The following VPS41 variants were observed in gnomAD, a reference collection of about 807,000 sequenced individuals.
The protein encoded by VPS41 is vacuolar protein sorting-associated protein 41 homolog.
A neutral mutation model predicts 130.9 loss-of-function variants in VPS41; 85 were observed. That is an observed-to-expected ratio of 0.65 (90% confidence interval 0.55 to 0.78). The LOEUF (loss-of-function observed/expected upper bound fraction) is 0.78. Ranked by LOEUF, VPS41 falls within the 30% of genes least tolerant of loss-of-function variation. The probability of loss-of-function intolerance (pLI) is 0.00; values close to 1 mark genes in which losing one functional copy is unlikely to be tolerated. For synonymous variants in VPS41, 335 were observed against 332.9 expected (o/e 1.01, Z -0.07); for missense variants, 874 against 1,018.7 (o/e 0.86, Z 1.93).
Position 38,897,325 on chromosome 7 carries a change from A to T in VPS41, c.60+766T>A, listed in dbSNP as rs78436685. On this transcript the variant is annotated intron_variant, in intron 2 of 28. Transcript: ENST00000310301. ...ACTATCTTTATCACAATAACCTAACAACTTTTAAAGTAGCTCCCTTTTTAA... is the reference window on the plus strand; with the variant it reads ...ACTATCTTTATCACAATAACCTAACTACTTTTAAAGTAGCTCCCTTTTTAA... Among the ~76,000 whole-genome samples the T allele has an allele frequency of 6.6e-5, 10 of 152,102 alleles. No individual in the cohort carries two copies. The East Asian group carries it at 1.9e-3, about 29-fold the overall frequency.
chr7:38,795,689 T>C (rs1784605597), intron 8 of VPS41, 78 bp from the exon 9 acceptor site: 2 of 1,294,452 alleles, frequency 1.5e-6, no homozygotes, highest in East Asian at 2.4e-5. Context: ...CCCTGCTACA[T>C]ACTACCAATA....
chr7:38,797,466 T>C (rs1315142664), intron 7 of VPS41, among the ~76,000 whole-genome samples: 2 of 152,222 alleles, frequency 1.3e-5, no homozygotes, highest in East Asian at 3.8e-4. Context: ...GGATAAATTT[T>C]AATATAAAAT....
chr7:38,776,345 G>C (rs11765467), intron 11 of VPS41, among the ~76,000 whole-genome samples: 98,015 of 152,112 alleles, frequency 0.64, 32,955 homozygotes, highest in East Asian at 0.88. Flanking sequence ...TGCTGATCAA[G>C]TTCATTGCTG....
chr7:38,773,399 A>G (rs1196298802), intron 12 of VPS41, among the ~76,000 whole-genome samples: 1 of 152,214 alleles, frequency 6.6e-6, no homozygotes, highest in Non-Finnish European at 1.5e-5. Flanking sequence ...GGGTCTTCAT[A>G]TAAGAAAGTT....
At chr7:38,752,967 G>A (rs1332328108) in intron 21 of VPS41, among the ~76,000 whole-genome samples, 1 of 152,050 alleles carries the variant, frequency 6.6e-6, no homozygotes, top group Non-Finnish European at 1.5e-5. Context: ...CAGGTGTTCT[G>A]AAACAGTTTT....
chr7:38,864,193 T>A (rs532114197), intron 3 of VPS41, among the ~76,000 whole-genome samples: 1 of 152,320 alleles, frequency 6.6e-6, no homozygotes, highest in South Asian at 2.1e-4. Context: ...GGAGCTTGGA[T>A]CTTTAAAACG....
intron 2 of VPS41, among the ~76,000 whole-genome samples, chr7:38,893,200 T>A (rs1786904259): frequency 6.6e-6 from 1 of 151,996 alleles, no homozygotes; most frequent in East Asian, 1.9e-4. Flanking sequence ...TGCCCCACCC[T>A]TCTACACTAC....
intron 1 of VPS41, among the ~76,000 whole-genome samples, chr7:38,898,912 A>C (rs1787077584): frequency 1.3e-5 from 2 of 152,064 alleles, no homozygotes; most frequent in Admixed American, 6.6e-5. Context: ...CTGACACTGA[A>C]TGTAAGCACT....
chr7:38,762,960 G>A (rs1314776029), intron 17 of VPS41, among the ~76,000 whole-genome samples: 3 of 151,960 alleles, frequency 2.0e-5, no homozygotes, highest in Non-Finnish European at 2.9e-5. Context: ...AAAGTTTCAT[G>A]AAAAAATAAG....
intron 4 of VPS41, among the ~76,000 whole-genome samples, chr7:38,842,705 C>T (rs1206937562): frequency 6.6e-6 from 1 of 152,176 alleles, no homozygotes; most frequent in African/African-American, 2.4e-5. Context: ...CCATGCATAG[C>T]CTCTGTCGCC....
intron 2 of VPS41, among the ~76,000 whole-genome samples, chr7:38,887,553 T>C (rs113904852): frequency 6.6e-5 from 10 of 152,312 alleles, no homozygotes; most frequent in Middle Eastern, 3.4e-3. Context: ...CTACGTCTGA[T>C]TGGTGTACCT....
intron 6 of VPS41, 39 bp downstream of exon 6, chr7:38,821,164 G>C (rs765206134): frequency 2.0e-5 from 31 of 1,527,588 alleles, no homozygotes; most frequent in Non-Finnish European, 2.7e-5. Flanking sequence ...CCTTACTTGA[G>C]AAAACCCTTA....
intron 2 of VPS41, among the ~76,000 whole-genome samples, chr7:38,877,602 G>A (rs1290440395): frequency 2.0e-5 from 3 of 152,094 alleles, no homozygotes; most frequent in Admixed American, 6.6e-5. Flanking sequence ...TGCCTCTCGA[G>A]CATTTCCAAT....
chr7:38,759,162 G>C (rs555405845), intron 17 of VPS41, among the ~76,000 whole-genome samples: 1 of 152,354 alleles, frequency 6.6e-6, no homozygotes, highest in African/African-American at 2.4e-5. Flanking sequence ...TATAACTTGT[G>C]ATTGGTATGT....
chr7:38,907,523 C>T (rs910048163), intron 1 of VPS41, among the ~76,000 whole-genome samples: 2 of 152,152 alleles, frequency 1.3e-5, no homozygotes, highest in Non-Finnish European at 2.9e-5. Flanking sequence ...TGAGAGTAAA[C>T]ATTTACCTCA....
chr7:38,794,468 C>T (rs6957565), intron 9 of VPS41, among the ~76,000 whole-genome samples: 84,813 of 152,062 alleles, frequency 0.56, 24,299 homozygotes, highest in East Asian at 0.88. Context: ...TTTAAATAGC[C>T]ACGTCCCCTT....
chr7:38,869,218 A>G lies in VPS41; in HGVS notation c.96T>C (p.Tyr32=), dbSNP rs148693308. The change falls in exon 3 of 29, where the codon TAT becomes TAC. Residue 32 remains tyrosine, a synonymous_variant. Coordinates refer to ENST00000310301, the MANE Select transcript of VPS41 (RefSeq NM_014396.4). ...CAGTTACCCCATTGGAAAGCCTTTC[A>G]TACTTCAGCTTGGGTTCCTCTTCGC... ...EESEEEPKLK[Y]ERLSNGVTEI... 7.7e-5 allele frequency: 124 copies of G among 1,612,826 alleles called. No individual in the cohort carries two copies. In the African/African-American group the frequency reaches 1.4e-3, roughly 19 times the overall value.
At chr7:38,780,364 C>T (rs1021068831) in intron 10 of VPS41, among the ~76,000 whole-genome samples, 2 of 151,956 alleles carry the variant, frequency 1.3e-5, no homozygotes, top group Admixed American at 6.6e-5. Flanking sequence ...GTGGGCATTA[C>T]AGCTGAGGCA....
intron 22 of VPS41, among the ~76,000 whole-genome samples, chr7:38,750,092 C>T (rs1450823824): frequency 1.3e-5 from 2 of 152,158 alleles, no homozygotes; most frequent in Non-Finnish European, 2.9e-5. Flanking sequence ...TCTCAAACTC[C>T]TGGCCCAAAA....
Sources: allele counts gnomAD v4.1 joint callset (sites outside exome capture counted in the v4.1 genomes callset), GRCh38; gene constraint gnomAD v4.1.1; transcripts MANE v1.5; gene names NCBI Gene and HGNC (gene_info 2026-07-23, HGNC 2026-07-21).